The following SLC1A3 variants were observed in gnomAD, a reference collection of about 807,000 sequenced individuals.
SLC1A3 encodes the protein solute carrier family 1 member 3.
A neutral mutation model predicts 48.1 loss-of-function variants in SLC1A3; 21 were observed. That is an observed-to-expected ratio of 0.44 (90% CI 0.31 to 0.63). The LOEUF is 0.63. SLC1A3 is among the 20% of genes least tolerant of loss of function. The pLI is 0.08. For missense variants in SLC1A3, 546 were observed against 689.0 expected, an observed-to-expected ratio of 0.79 and a Z score of 2.32; for synonymous variants, 239 against 251.4, an observed-to-expected ratio of 0.95 and a Z score of 0.47.
At chr5:36,667,375 T>C (rs1449362405) in intron 3 of SLC1A3, among the ~76,000 whole-genome samples, 1 of 152,230 alleles carries the variant, frequency 6.6e-6, no homozygotes, top group Admixed American at 6.5e-5. Flanking sequence ...GCCAAGTGGC[T>C]CATCTTAGCA....
intron 3 of SLC1A3, among the ~76,000 whole-genome samples, chr5:36,640,654 C>T (rs1421758656): frequency 6.6e-6 from 1 of 152,056 alleles, no homozygotes; most frequent in Non-Finnish European, 1.5e-5. Context: ...GTTGGCTAAT[C>T]CTTTAGAAGG....
Position 36,674,097 on chromosome 5 carries a change from C to T in SLC1A3, c.567+6C>T. On this transcript the variant is annotated splice_donor_region_variant and intron_variant, in intron 5 of 9. Transcript: ENST00000265113. ...TAGAAGCCTGCTTTAAACAGGTAAA[C>T]ACTCTACAGACATTAACTTGCCTTT... is the stretch of plus-strand genomic sequence containing the variant. 1 of 1,610,394 alleles carries T rather than the reference C, an allele frequency of 6.2e-7. No homozygotes were observed. The highest frequency in any genetic ancestry group is 1.7e-5 in the Admixed American group (1 of 59,966).
chr5:36,621,901 C>T (rs1254762453), intron 2 of SLC1A3, among the ~76,000 whole-genome samples: 2 of 152,116 alleles, frequency 1.3e-5, no homozygotes. Context: ...GGATGACACT[C>T]CTGTGATTAT....
At chr5:36,674,188 A>G in intron 5 of SLC1A3, 97 bp downstream of exon 5, 1 of 965,612 alleles carries the variant, frequency 1.0e-6, no homozygotes, top group Non-Finnish European at 1.7e-6. Flanking sequence ...CTCTGCTATA[A>G]GAAACACTTC....
At chr5:36,661,206 G>A (rs1741497592) in intron 3 of SLC1A3, among the ~76,000 whole-genome samples, 1 of 152,246 alleles carries the variant, frequency 6.6e-6, no homozygotes, top group South Asian at 2.1e-4. Context: ...GAGGTCAGGA[G>A]TGCGAGACCA....
At chr5:36,634,371 C>CTT (rs1740256028) in intron 3 of SLC1A3, among the ~76,000 whole-genome samples, 1 of 152,098 alleles carries the variant, frequency 6.6e-6, no homozygotes, top group African/African-American at 2.4e-5. Context: ...CAAAATAAGA[C>CTT]TTTGCCTTTC....
At position 36,680,405 on chromosome 5, in the gene SLC1A3, C is replaced by T; in HGVS notation, c.1105C>T (p.Leu369=). The change falls in exon 8 of 10, where the codon CTA becomes TTA. Residue 369 remains leucine (L), a synonymous_variant. Coordinates refer to ENST00000265113, the MANE Select transcript of SLC1A3 (RefSeq NM_004172.5). ...ALGTSSSSAT[L]PITFKCLEEN... is the part of the protein sequence containing the mutation. Reference sequence around the variant, plus strand: ...TTTCACTGTTCTCAGTTCTGCCACCCTACCCATCACCTTCAAGTGCCTGGA... The same window carrying T: ...TTTCACTGTTCTCAGTTCTGCCACCTTACCCATCACCTTCAAGTGCCTGGA... 1 of 1,614,136 alleles carries T rather than the reference C, an allele frequency of 6.2e-7. No individual in the cohort carries two copies. Among genetic ancestry groups the T allele is most frequent in the Non-Finnish European group, 8.5e-7 (1 of 1,179,974 alleles).
At chr5:36,614,282 CA>C (rs1328913329) in intron 2 of SLC1A3, among the ~76,000 whole-genome samples, 1 of 152,152 alleles carries the variant, frequency 6.6e-6, no homozygotes, top group East Asian at 1.9e-4. Context: ...TTCAAGCTGT[CA>C]TATGCACTGA....
intron 2 of SLC1A3, among the ~76,000 whole-genome samples, chr5:36,618,589 A>T (rs908558892): frequency 6.6e-6 from 1 of 152,214 alleles, no homozygotes; most frequent in South Asian, 2.1e-4. Context: ...TCAGGAAACT[A>T]GAGCAAACTT....
intron 2 of SLC1A3, among the ~76,000 whole-genome samples, chr5:36,616,433 A>G (rs1366638): frequency 0.81 from 123,413 of 152,160 alleles, 50,632 homozygotes; most frequent in African/African-American, 0.93. Context: ...AAAGATTGGC[A>G]GGTAAATTTA....
At chr5:36,602,804 C>A (rs552805025), upstream of SLC1A3, among the ~76,000 whole-genome samples, 1 of 152,234 alleles carries the variant, frequency 6.6e-6, no homozygotes, top group African/African-American at 2.4e-5. Flanking sequence ...CTTCTGAAAC[C>A]CCATCAGAGG....
At chr5:36,651,397 C>CT (rs1741065073) in intron 3 of SLC1A3, among the ~76,000 whole-genome samples, 3 of 152,068 alleles carry the variant, frequency 2.0e-5, no homozygotes, top group Admixed American at 1.3e-4. Flanking sequence ...TTCTTACCTA[C>CT]TTTTTTTGCA....
At chr5:36,647,895 C>G (rs1561263373) in intron 3 of SLC1A3, among the ~76,000 whole-genome samples, 1 of 152,054 alleles carries the variant, frequency 6.6e-6, no homozygotes, top group Non-Finnish European at 1.5e-5. Flanking sequence ...TTCGTGGCTT[C>G]TTGTTTGTTT....
intron 3 of SLC1A3, among the ~76,000 whole-genome samples, chr5:36,645,433 TCTC>T (rs2111825353): frequency 6.8e-6 from 1 of 147,118 alleles, no homozygotes; most frequent in Admixed American, 7.0e-5. Flanking sequence ...TTCAAGCAAT[TCTC>T]TTCCCCAGCT....
chr5:36,640,516 G>T (rs1282279247), intron 3 of SLC1A3, among the ~76,000 whole-genome samples: 1 of 152,080 alleles, frequency 6.6e-6, no homozygotes, highest in Non-Finnish European at 1.5e-5. Context: ...TTCCATCCAG[G>T]TTTTCTTCAA....
intron 1 of SLC1A3, among the ~76,000 whole-genome samples, chr5:36,597,405 G>C (rs771395961): frequency 2.0e-5 from 3 of 151,356 alleles, no homozygotes; most frequent in Non-Finnish European, 4.4e-5. Context: ...CGCCACGCCC[G>C]GCTAGTTTTT....
chr5:36,665,860 T>C (rs959759595), intron 3 of SLC1A3, among the ~76,000 whole-genome samples: 3 of 152,252 alleles, frequency 2.0e-5, no homozygotes, highest in African/African-American at 7.2e-5. Flanking sequence ...CTAACTGTGA[T>C]GCAAAATTGT....
At chr5:36,664,279 G>A (rs778009769) in intron 3 of SLC1A3, among the ~76,000 whole-genome samples, 9 of 152,076 alleles carry the variant, frequency 5.9e-5, no homozygotes, top group African/African-American at 9.7e-5. Flanking sequence ...GATTACAGGC[G>A]TGCACCACCA....
intron 3 of SLC1A3, among the ~76,000 whole-genome samples, chr5:36,641,520 CA>C (rs910804156): frequency 3.3e-5 from 5 of 151,586 alleles, no homozygotes; most frequent in East Asian, 1.9e-4. Context: ...GATTCACACA[CA>C]AAAAAATCCC....
Sources: gnomAD v4.1 joint callset for allele counts (sites outside exome capture counted in the v4.1 genomes callset) on GRCh38, gnomAD v4.1.1 for gene constraint, MANE v1.5 for transcripts, NCBI Gene and HGNC (gene_info 2026-07-23, HGNC 2026-07-21) for gene names.